Variants in PCDHGB1 observed in about 807,000 individuals in gnomAD.
PCDHGB1 encodes the protein protocadherin gamma subfamily B, 1.
Under a neutral mutation model 56.6 loss-of-function variants are expected in PCDHGB1, and 34 were observed. That is an observed-to-expected ratio of 0.60 (90% confidence interval 0.46 to 0.80). The LOEUF is 0.80. Ranked by LOEUF, PCDHGB1 falls within the 30% of genes least tolerant of loss-of-function variation. PCDHGB1 has a pLI of 0.00. For synonymous variants in PCDHGB1, 561 were observed against 505.9 expected, an observed-to-expected ratio of 1.11 and a Z score of -1.46; for missense variants, 1,278 against 1,204.6, an observed-to-expected ratio of 1.06 and a Z score of -0.90.
chr5:141,501,441 A>G (rs547792017), intron 2 of PCDHGB1, among the ~76,000 whole-genome samples: 1 of 151,898 alleles, frequency 6.6e-6, no homozygotes, highest in African/African-American at 2.4e-5. Context: ...CATTTCTTCC[A>G]TTTTTACTTT....
chr5:141,478,322 C>A, intron 1 of PCDHGB1: 3 of 1,613,976 alleles, frequency 1.9e-6, no homozygotes, highest in Non-Finnish European at 2.5e-6. Context: ...CTCACTGTAC[C>A]GAACACCAGG....
At chr5:141,455,375 G>A (rs1247820974) in intron 1 of PCDHGB1, among the ~76,000 whole-genome samples, 1 of 152,132 alleles carries the variant, frequency 6.6e-6, no homozygotes, top group Non-Finnish European at 1.5e-5. Context: ...GAAGGGAGAA[G>A]ACAGAAGGAA....
chr5:141,477,223 T>C lies in PCDHGB1; in HGVS notation c.2410-17584T>C. The C allele has an allele frequency of 6.2e-7, 1 of 1,614,198 alleles. No homozygotes were observed. On this transcript the variant is annotated intron_variant, in intron 1 of 3. Coordinates refer to ENST00000523390, the MANE Select transcript of PCDHGB1 (RefSeq NM_018922.3). This position sits in a 1 kb window ranked among gnomAD's most constrained non-coding sequence, Gnocchi z 4.9. ...TACCCGAGGATGCCCCTCTGGGGAC[T>C]GTCATCGCTTTGCTCAGTGTGACTG... is the stretch of plus-strand genomic sequence containing the variant.
At chr5:141,443,447 C>T (rs1267862519) in intron 1 of PCDHGB1, among the ~76,000 whole-genome samples, 1 of 152,184 alleles carries the variant, frequency 6.6e-6, no homozygotes, top group African/African-American at 2.4e-5. Flanking sequence ...GGTTGCGCTC[C>T]TGTACTCCAG....
rs1361609314 is a variant in PCDHGB1 at position 141,423,642 on chromosome 5, TGACCC to T, written c.2409+70977_2409+70981del. 6 of 1,596,888 alleles carry T rather than the reference TGACCC, an allele frequency of 3.8e-6. No individual in the cohort carries two copies. In the South Asian group the frequency reaches 5.7e-5, roughly 15 times the overall value. ...ACTCAGCTATCATTTTAGGCAAATGTGACCCGACAAGTAATCAGGTGAGATTTATT... is the reference window on the plus strand; with the variant it reads ...ACTCAGCTATCATTTTAGGCAAATGTGACAAGTAATCAGGTGAGATTTATT... On this transcript the variant is annotated intron_variant, in intron 1 of 3. Transcript: ENST00000523390.
rs1460025344 is a variant in PCDHGB1, at chr5:141,352,563, C to T, written c.2303C>T (p.Pro768Leu). The T allele has an allele frequency of 1.9e-6, 3 of 1,613,816 alleles. No homozygotes were observed. The highest frequency in any genetic ancestry group is 1.3e-5 in the African/African-American group (1 of 74,926). Residue 768 changes from proline to leucine, a missense_variant, in exon 1 of 4, where the codon CCG becomes CTG. By Grantham distance (98) the Pro-to-Leu change is moderately conservative. Coordinates refer to ENST00000523390, the MANE Select transcript of PCDHGB1 (RefSeq NM_018922.3). ...GAGTTTAATTCTCTCAACCTGACAC[C>T]GGAAATGGCTCCCCCTCAGGATCTG... ...KTEFNSLNLT[P>L]EMAPPQDLLC...
intron 3 of PCDHGB1, 57 bp from the exon 4 acceptor site, chr5:141,510,890 A>G (rs1434557860): frequency 1.2e-5 from 20 of 1,612,748 alleles, no homozygotes; most frequent in South Asian, 3.3e-5. Context: ...GATATAAGAC[A>G]GTGACTGTTG....
chr5:141,393,263 A>C, intron 1 of PCDHGB1: 1 of 1,613,926 alleles, frequency 6.2e-7, no homozygotes, highest in Non-Finnish European at 8.5e-7. Flanking sequence ...TTCCTGGAGC[A>C]CGTTATCCAC....
At chr5:141,393,124 T>C in intron 1 of PCDHGB1, 2 of 1,613,430 alleles carry the variant, frequency 1.2e-6, no homozygotes. Flanking sequence ...CGGTGTCTGA[T>C]AAATATTAAC....
intron 1 of PCDHGB1, chr5:141,376,446 GC>G (rs1772699263): frequency 6.2e-7 from 1 of 1,614,074 alleles, no homozygotes. Flanking sequence ...TATGAGAAAA[GC>G]GAGCCTCTTC....
chr5:141,383,179 G>A (rs1387934089), intron 1 of PCDHGB1: 2 of 1,614,006 alleles, frequency 1.2e-6, no homozygotes, highest in Admixed American at 1.7e-5. Context: ...AGACCGGGAA[G>A]AGATCTGCGC....
intron 1 of PCDHGB1, among the ~76,000 whole-genome samples, chr5:141,430,383 G>GA (rs139772145): frequency 0.061 from 8,436 of 138,452 alleles, 243 homozygotes; most frequent in South Asian, 0.089. Context: ...AGCTCATTGG[G>GA]AAAAAAAAAA....
chr5:141,367,301 G>C (rs1765044425), intron 1 of PCDHGB1: 1 of 152,822 alleles, frequency 6.5e-6, no homozygotes, highest in African/African-American at 2.4e-5. Flanking sequence ...CACTTTGGGA[G>C]GCTGAGGTGG....
chr5:141,433,397 A>ATCTG (rs1179042498), intron 1 of PCDHGB1, among the ~76,000 whole-genome samples: 9 of 150,410 alleles, frequency 6.0e-5, no homozygotes, highest in Non-Finnish European at 1.0e-4. Context: ...CTATCTATCT[A>ATCTG]TCTATCTATT....
chr5:141,487,423 C>T lies in PCDHGB1; in HGVS notation c.2410-7384C>T. 1 of 1,614,158 alleles carries T rather than the reference C, an allele frequency of 6.2e-7. No homozygotes were observed. Among genetic ancestry groups the T allele is most frequent in the Non-Finnish European group, 8.5e-7 (1 of 1,180,012 alleles). On this transcript the variant is annotated intron_variant, in intron 1 of 3. Transcript: ENST00000523390. The surrounding 1 kb of genome is among the most constrained non-coding windows in gnomAD (Gnocchi z 5.0). ...GGCTTCCCCCTTCCAATGGGATCCTCCGAATCCAGCTAGGGTCAGATGACC... is the reference window on the plus strand; with the variant it reads ...GGCTTCCCCCTTCCAATGGGATCCTTCGAATCCAGCTAGGGTCAGATGACC...
intron 1 of PCDHGB1, chr5:141,409,017 G>T (rs745981387): frequency 3.1e-6 from 5 of 1,613,840 alleles, no homozygotes; most frequent in Non-Finnish European, 4.2e-6. Flanking sequence ...CAGGATGAGG[G>T]GGTCAATGCT....
intron 1 of PCDHGB1, chr5:141,385,148 T>G (rs1052139407): frequency 6.2e-7 from 1 of 1,614,218 alleles, no homozygotes; most frequent in Admixed American, 1.7e-5. Context: ...CAGGCTTTCC[T>G]GCAGACCTAT....
rs752145084 is a variant in PCDHGB1 at position 141,489,550 on chromosome 5, C to T, written c.2410-5257C>T. On this transcript the variant is annotated intron_variant, in intron 1 of 3. Coordinates refer to ENST00000523390, the MANE Select transcript of PCDHGB1 (RefSeq NM_018922.3). This position sits in a 1 kb window ranked among gnomAD's most constrained non-coding sequence, Gnocchi z 4.5. ...ATGTGGAGCCAGCACCAGCTGCCTGCTGCCAGTGCAGGTGGTGACTGAACA... is the reference window on the plus strand; with the variant it reads ...ATGTGGAGCCAGCACCAGCTGCCTGTTGCCAGTGCAGGTGGTGACTGAACA... The T allele has an allele frequency of 1.2e-6, 2 of 1,614,132 alleles. No homozygotes were observed. The highest frequency in any genetic ancestry group is 1.7e-5 in the Admixed American group (1 of 60,030).
At chr5:141,358,418 G>C (rs1391552401) in intron 1 of PCDHGB1, among the ~76,000 whole-genome samples, 1 of 152,090 alleles carries the variant, frequency 6.6e-6, no homozygotes, top group African/African-American at 2.4e-5. Context: ...CCTTGAAAGG[G>C]TATTTTCCAT....
Sources: allele counts gnomAD v4.1 joint callset (sites outside exome capture counted in the v4.1 genomes callset), GRCh38; gene constraint gnomAD v4.1.1; non-coding constraint Gnocchi (gnomAD v3.1); transcripts MANE v1.5; gene names NCBI Gene and HGNC (gene_info 2026-07-23, HGNC 2026-07-21).